MYRIP: variants seen among roughly 807,000 people sequenced by gnomAD.
MYRIP encodes the protein rab effector MyRIP.
MYRIP carries 49 observed loss-of-function variants against 98.0 expected under a neutral mutation model. The ratio of observed to expected loss-of-function variants is 0.50; its 90% CI spans 0.40 to 0.63. The LOEUF is 0.63. Ranked by LOEUF, MYRIP falls within the 30% of genes least tolerant of loss-of-function variation. MYRIP has a pLI of 0.00. For missense variants in MYRIP, 1,004 were observed against 1,058.2 expected, an observed-to-expected ratio of 0.95 and a Z score of 0.71; for synonymous variants, 404 against 409.5, an observed-to-expected ratio of 0.99 and a Z score of 0.16.
chr3:40,227,237 G>A (rs974024821), intron 11 of MYRIP, among the ~76,000 whole-genome samples: 7 of 152,190 alleles, frequency 4.6e-5, no homozygotes, highest in African/African-American at 1.4e-4. Flanking sequence ...AATCATTGAT[G>A]ATGTTTGAGG....
At chr3:40,187,999 C>T (rs967052700) in intron 9 of MYRIP, among the ~76,000 whole-genome samples, 2 of 152,148 alleles carry the variant, frequency 1.3e-5, no homozygotes, top group Non-Finnish European at 2.9e-5. Flanking sequence ...TCTTGGAGGA[C>T]CCTGCTTGTA....
At chr3:39,873,681 C>G (rs1178738605) in intron 1 of MYRIP, among the ~76,000 whole-genome samples, 4 of 151,808 alleles carry the variant, frequency 2.6e-5, no homozygotes, top group South Asian at 2.1e-4. Context: ...GGGCTCTGTT[C>G]TGTTCCATTG....
chr3:40,088,757 C>T (rs554959306), intron 3 of MYRIP, among the ~76,000 whole-genome samples: 1 of 152,346 alleles, frequency 6.6e-6, no homozygotes, highest in East Asian at 1.9e-4. Context: ...AGGGCTTTCT[C>T]AGCCCTGGTA....
At chr3:40,039,133 G>A (rs557636555) in intron 2 of MYRIP, among the ~76,000 whole-genome samples, 4 of 152,120 alleles carry the variant, frequency 2.6e-5, no homozygotes, top group South Asian at 2.1e-4. Flanking sequence ...GGTAATAAAC[G>A]TCCATCACCC....
At chr3:40,220,978 A>C (rs1229474942) in intron 11 of MYRIP, among the ~76,000 whole-genome samples, 4 of 148,288 alleles carry the variant, frequency 2.7e-5, no homozygotes, top group Non-Finnish European at 4.4e-5. Flanking sequence ...TTGGGCAGGG[A>C]CACAGACCCA....
At chr3:40,174,605 G>A (rs1479558154) in intron 8 of MYRIP, 1 of 152,236 alleles carries the variant, frequency 6.6e-6, no homozygotes, top group Non-Finnish European at 1.5e-5. Flanking sequence ...TCAGCACTGG[G>A]TGTGTAGTAG....
rs186498230 is a variant in MYRIP at position 40,142,837 on chromosome 3, C to G, written c.333-8211C>G. Among the ~76,000 whole-genome samples, 354 of 152,332 alleles carry G rather than the reference C, an allele frequency of 2.3e-3. 3 individuals carry two copies. The highest frequency in any genetic ancestry group is 1.0e-3 in the Non-Finnish European group (69 of 68,034). ...GACAGTTCCAAGTTGGAAAGCTTTT[C>G]CCTATAAATCTCATCACCAGGAGAG... On this transcript the variant is annotated intron_variant, in intron 3 of 16. Transcript: ENST00000302541.
intron 1 of MYRIP, among the ~76,000 whole-genome samples, chr3:39,850,906 G>A (rs1356397284): frequency 6.6e-6 from 1 of 152,126 alleles, no homozygotes; most frequent in Non-Finnish European, 1.5e-5. Flanking sequence ...TATTTTTATT[G>A]AGTGTTCATT....
chr3:39,992,339 T>C (rs927361784), intron 2 of MYRIP, among the ~76,000 whole-genome samples: 4 of 152,194 alleles, frequency 2.6e-5, no homozygotes, highest in Non-Finnish European at 5.9e-5. Flanking sequence ...CTCTGCCCTC[T>C]GGAGCTCACT....
At chr3:39,956,098 T>G (rs1945151907) in intron 2 of MYRIP, among the ~76,000 whole-genome samples, 1 of 152,162 alleles carries the variant, frequency 6.6e-6, no homozygotes, top group Admixed American at 6.5e-5. Context: ...AACACCCCAC[T>G]GTCAACATTA....
At chr3:40,151,386 C>G (rs1163703439) in intron 4 of MYRIP, among the ~76,000 whole-genome samples, 1 of 152,232 alleles carries the variant, frequency 6.6e-6, no homozygotes, top group Admixed American at 6.5e-5. Context: ...AGCGTCCCCA[C>G]TGGGCTAGAG....
intron 1 of MYRIP, among the ~76,000 whole-genome samples, chr3:39,845,852 CAAAA>C (rs3062461): frequency 4.1e-5 from 4 of 96,926 alleles, no homozygotes; most frequent in Admixed American, 1.1e-4. Context: ...TTTCCCCTAC[CAAAA>C]AAAAAAAAAA....
At chr3:39,897,113 C>T (rs755159115) in intron 1 of MYRIP, among the ~76,000 whole-genome samples, 2 of 152,174 alleles carry the variant, frequency 1.3e-5, no homozygotes, top group African/African-American at 2.4e-5. Flanking sequence ...TGGAGTTTGT[C>T]ATCATTGCTT....
chr3:40,196,067 G>A (rs1951381509), intron 10 of MYRIP, among the ~76,000 whole-genome samples: 1 of 151,774 alleles, frequency 6.6e-6, no homozygotes, highest in South Asian at 2.1e-4. Context: ...CTATAGTTAT[G>A]CATCCTCTAG....
rs187433345 is a variant in MYRIP, at chr3:39,904,143, C to G, written c.110+3217C>G. 1.3e-5 allele frequency among the ~76,000 whole-genome samples: 2 copies of G among 152,226 alleles called. 1 individual carries two copies. Among genetic ancestry groups the G allele is most frequent in the Admixed American group, 1.3e-4 (2 of 15,284 alleles). ...GAGCTTAGTTTTGTTGTAATTTTCT[C>G]CCCCTTTAATATGGTCCTTTGATAA... On this transcript the variant is annotated intron_variant, in intron 2 of 16. Transcript: ENST00000302541.
At chr3:39,811,381 G>A (rs370762471) in intron 1 of MYRIP, among the ~76,000 whole-genome samples, 2 of 152,206 alleles carry the variant, frequency 1.3e-5, no homozygotes, top group African/African-American at 2.4e-5. Flanking sequence ...TTAAAAAGTC[G>A]AAGGAAGATG....
chr3:40,090,969 G>A (rs1490123046), intron 3 of MYRIP, among the ~76,000 whole-genome samples: 1 of 152,168 alleles, frequency 6.6e-6, no homozygotes, highest in East Asian at 1.9e-4. Flanking sequence ...CTTGGGTGTG[G>A]ACTTCAGGAG....
At position 40,190,099 on chromosome 3, in the gene MYRIP, G is replaced by A. The variant is rs755063722; in HGVS notation, c.1301G>A (p.Gly434Asp). ...QPTQAQSSDQ[G>D]PIAASPSSAL... ...ACACAGGCCCAGAGCTCTGACCAAG[G>A]CCCCATAGCTGCCTCCCCATCCTCT... Residue 434 changes from glycine to aspartate, a missense_variant, in exon 10 of 17, where the codon GGC becomes GAC. Physicochemically the swap from Gly to Asp is moderately conservative, Grantham distance 94. Coordinates refer to ENST00000302541, the MANE Select transcript of MYRIP (RefSeq NM_015460.4). 3 of 1,614,006 alleles carry A rather than the reference G, an allele frequency of 1.9e-6. No homozygotes were observed. The highest frequency in any genetic ancestry group is 2.5e-6 in the Non-Finnish European group (3 of 1,179,954).
At chr3:40,241,806 C>T (rs1468605794) in intron 12 of MYRIP, among the ~76,000 whole-genome samples, 2 of 152,132 alleles carry the variant, frequency 1.3e-5, no homozygotes, top group African/African-American at 4.8e-5. Context: ...AAAAGTGGAC[C>T]TTAACTTGCC....
Sources: gnomAD v4.1 joint callset for allele counts (sites outside exome capture counted in the v4.1 genomes callset) on GRCh38, gnomAD v4.1.1 for gene constraint, MANE v1.5 for transcripts, NCBI Gene and HGNC (gene_info 2026-07-23, HGNC 2026-07-21) for gene names.